The following GABRA5 variants were observed in gnomAD, a reference collection of about 807,000 sequenced individuals.
The protein encoded by GABRA5 is gamma-aminobutyric acid receptor subunit alpha-5.
GABRA5 carries 18 observed loss-of-function variants against 47.3 expected under a neutral mutation model. The ratio of observed to expected loss-of-function variants is 0.38; its 90% CI spans 0.26 to 0.56. The LOEUF is 0.56. GABRA5 is among the 20% of genes least tolerant of loss of function. The probability of loss-of-function intolerance (pLI) is 0.71; values close to 1 mark genes in which losing one functional copy is unlikely to be tolerated. For missense variants in GABRA5, 365 were observed against 599.3 expected (o/e 0.61, Z 4.08); for synonymous variants, 237 against 229.3 (o/e 1.03, Z -0.30).
intron 6 of GABRA5, among the ~76,000 whole-genome samples, chr15:26,891,411 A>G (rs1396598707): frequency 6.6e-6 from 1 of 152,220 alleles, no homozygotes; most frequent in Non-Finnish European, 1.5e-5. Context: ...TAGCCCATCG[A>G]TAATGTCCAA....
chr15:26,939,336 G>A (rs756312674), intron 8 of GABRA5: 20 of 765,176 alleles, frequency 2.6e-5, no homozygotes, highest in African/African-American at 8.5e-5. Context: ...CTGGGGCATC[G>A]CCAATGAAAT....
At chr15:26,909,911 G>C (rs1442581574) in intron 6 of GABRA5, among the ~76,000 whole-genome samples, 1 of 152,172 alleles carries the variant, frequency 6.6e-6, no homozygotes, top group Non-Finnish European at 1.5e-5. Flanking sequence ...ATTGATGCAG[G>C]ATTTCCACAA....
rs918448558 is a variant in GABRA5, at chr15:26,914,996, C to G, written c.580+111C>G. On this transcript the variant is annotated intron_variant, in intron 7 of 10. Transcript: ENST00000335625. ...ATACATAAGCACAATAGGATGCAGT[C>G]TGTTTAAGAAGCGTGGAGAGTGTAT... 3 of 858,604 alleles carry G rather than the reference C, an allele frequency of 3.5e-6. No homozygotes were observed. In the African/African-American group the frequency reaches 5.0e-5, roughly 14 times the overall value. The allele number at this position is 858,604 out of a possible 1,614,324, so 53.2% of individuals were successfully genotyped here.
intron 7 of GABRA5, among the ~76,000 whole-genome samples, chr15:26,929,666 GC>G (rs1021175691): frequency 6.6e-6 from 1 of 152,182 alleles, no homozygotes; most frequent in Non-Finnish European, 1.5e-5. Context: ...CCACACCAGG[GC>G]CCCCCAGAAC....
chr15:26,890,370 A>C (rs1324642825), intron 6 of GABRA5, among the ~76,000 whole-genome samples: 1 of 151,856 alleles, frequency 6.6e-6, no homozygotes, highest in Non-Finnish European at 1.5e-5. Context: ...CCAATTAGCC[A>C]GTCCATTGAA....
At chr15:26,875,151 A>G (rs1054994917) in intron 3 of GABRA5, among the ~76,000 whole-genome samples, 1 of 152,212 alleles carries the variant, frequency 6.6e-6, no homozygotes, top group South Asian at 2.1e-4. Flanking sequence ...GGTCTGTGTC[A>G]GGGGAGGGTA....
At chr15:26,919,530 C>A (rs978207030) in intron 7 of GABRA5, among the ~76,000 whole-genome samples, 2 of 152,158 alleles carry the variant, frequency 1.3e-5, no homozygotes, top group Non-Finnish European at 2.9e-5. Context: ...CTATTTCCCA[C>A]ACACTTATTT....
chr15:26,871,386 G>A (rs1382762255), intron 3 of GABRA5, among the ~76,000 whole-genome samples: 2 of 152,320 alleles, frequency 1.3e-5, no homozygotes, highest in East Asian at 3.9e-4. Flanking sequence ...GTAGCTTGCT[G>A]AGGTCATCTT....
chr15:26,877,024 G>A (rs1036001091), intron 3 of GABRA5, among the ~76,000 whole-genome samples: 1 of 152,190 alleles, frequency 6.6e-6, no homozygotes, highest in Non-Finnish European at 1.5e-5. Context: ...CAGTGCCAAG[G>A]GCAAGAATGG....
intron 3 of GABRA5, among the ~76,000 whole-genome samples, chr15:26,870,556 C>T (rs1392090567): frequency 1.3e-5 from 2 of 152,242 alleles, no homozygotes; most frequent in African/African-American, 4.8e-5. Context: ...TGTCTCAGCC[C>T]TTTGAGCCAT....
chr15:26,868,149 G>C (rs956507475), intron 1 of GABRA5: 25 of 151,988 alleles, frequency 1.6e-4, no homozygotes, highest in African/African-American at 5.8e-4. Flanking sequence ...GCCTCTCCTG[G>C]GGGTCCCTGG....
At chr15:26,873,803 CAG>C (rs1286416839) in intron 3 of GABRA5, among the ~76,000 whole-genome samples, 1 of 152,188 alleles carries the variant, frequency 6.6e-6, no homozygotes, top group Non-Finnish European at 1.5e-5. Context: ...CCCACTGAAG[CAG>C]GGAGCAGGAA....
chr15:26,901,270 C>T (rs1022537488), intron 6 of GABRA5, among the ~76,000 whole-genome samples: 3 of 152,266 alleles, frequency 2.0e-5, no homozygotes, highest in South Asian at 2.1e-4. Flanking sequence ...TTTGCATTCA[C>T]GTCAGCAGTT....
At chr15:26,896,201 C>T (rs1344643886) in intron 6 of GABRA5, among the ~76,000 whole-genome samples, 2 of 152,022 alleles carry the variant, frequency 1.3e-5, no homozygotes, top group Non-Finnish European at 2.9e-5. Context: ...CTGTTGTCTC[C>T]AAAGAAACAA....
chr15:26,896,985 G>C (rs12901412), intron 6 of GABRA5, among the ~76,000 whole-genome samples: 906 of 66,102 alleles, frequency 0.014, 6 homozygotes, highest in African/African-American at 0.034. Flanking sequence ...CTACATCTTA[G>C]AGATGTAGAG....
chr15:26,895,009 T>G (rs1016909913), intron 6 of GABRA5, among the ~76,000 whole-genome samples: 2 of 152,148 alleles, frequency 1.3e-5, no homozygotes, highest in Admixed American at 1.3e-4. Flanking sequence ...GGTCTGAAAC[T>G]GAGCCCAGAG....
At chr15:26,929,033 G>A (rs1013661472) in intron 7 of GABRA5, among the ~76,000 whole-genome samples, 5 of 147,312 alleles carry the variant, frequency 3.4e-5, no homozygotes, top group Admixed American at 3.4e-4. Flanking sequence ...ATGAATTTTG[G>A]GGGGGACACA....
chr15:26,944,980 C>T (rs1420267300), intron 10 of GABRA5, among the ~76,000 whole-genome samples: 3 of 152,170 alleles, frequency 2.0e-5, no homozygotes, highest in African/African-American at 7.2e-5. Context: ...ATCACCATGT[C>T]CGCCCTGCCT....
intron 10 of GABRA5, among the ~76,000 whole-genome samples, chr15:26,945,706 C>G (rs926429470): frequency 1.3e-5 from 2 of 152,200 alleles, no homozygotes; most frequent in Non-Finnish European, 2.9e-5. Flanking sequence ...GCCACACTGC[C>G]TGCAGCTGGG....
Sources: allele counts gnomAD v4.1 joint callset (sites outside exome capture counted in the v4.1 genomes callset), GRCh38; gene constraint gnomAD v4.1.1; transcripts MANE v1.5; gene names NCBI Gene and HGNC (gene_info 2026-07-23, HGNC 2026-07-21).